SOX6: variants seen among roughly 807,000 people sequenced by gnomAD.
SOX6 encodes the protein transcription factor SOX-6.
A neutral mutation model predicts 97.8 loss-of-function variants in SOX6; 11 were observed. The observed-to-expected ratio is 0.11, with a 90% CI of 0.07 to 0.19. The LOEUF (loss-of-function observed/expected upper bound fraction) is 0.19. Ranked by LOEUF, SOX6 falls within the 10% of genes least tolerant of loss-of-function variation. The pLI is 1.00. For synonymous variants in SOX6, 360 were observed against 371.4 expected (o/e 0.97, Z 0.35); for missense variants, 810 against 1,039.5 (o/e 0.78, Z 3.04).
intron 12 of SOX6, among the ~76,000 whole-genome samples, chr11:16,031,040 C>A (rs1212636289): frequency 2.0e-5 from 3 of 152,096 alleles, no homozygotes; most frequent in African/African-American, 4.8e-5. Flanking sequence ...ATTGTAAAGT[C>A]TTTTCCCACA....
At chr11:16,340,523 A>G (rs538432782) in intron 2 of SOX6, among the ~76,000 whole-genome samples, 27 of 152,222 alleles carry the variant, frequency 1.8e-4, no homozygotes, top group African/African-American at 6.5e-4. Flanking sequence ...TTAATATATA[A>G]GCACATAAGT....
intron 12 of SOX6, among the ~76,000 whole-genome samples, chr11:16,044,683 A>C (rs1306839779): frequency 3.3e-5 from 5 of 152,184 alleles, no homozygotes; most frequent in Non-Finnish European, 5.9e-5. Flanking sequence ...AAAGCCTACA[A>C]GAATCACAAA....
intron 3 of SOX6, among the ~76,000 whole-genome samples, chr11:16,274,051 C>T (rs1854328799): frequency 6.6e-6 from 1 of 151,824 alleles, no homozygotes; most frequent in African/African-American, 2.4e-5. Context: ...TGTATAATGC[C>T]CTTATCTTTC....
chr11:16,341,242 A>C lies in SOX6; in HGVS notation c.7T>G (p.Ser3Ala), dbSNP rs1856623776. 1.2e-6 allele frequency: 2 copies of C among 1,613,064 alleles called. No homozygotes were observed. Among genetic ancestry groups the C allele is most frequent in the African/African-American group, 2.7e-5 (2 of 74,892 alleles). ...GCAAATGGAGAGGTGGCTTGCTTGG[A>C]AGACATTCTTCTGCAGAAAAAAAAC... is the stretch of plus-strand genomic sequence containing the variant. MS[S>A]KQATSPFACA... The change falls in exon 2 of 16, where the codon TCC (serine) becomes GCC (alanine). Residue 3 changes from serine to alanine, a missense_variant. This residue lies in a region of SOX6 where 100 missense variants were observed against 94.6 expected (regional missense o/e 1.06). Coordinates refer to ENST00000683767, the MANE Select transcript of SOX6 (RefSeq NM_001367873.1).
At chr11:16,461,288 T>C (rs552466329) in intron 1 of SOX6, among the ~76,000 whole-genome samples, 52 of 151,888 alleles carry the variant, frequency 3.4e-4, no homozygotes, top group African/African-American at 1.1e-3. Context: ...TTTGCAGTAG[T>C]CCTCACAAGT....
At chr11:16,222,518 G>T (rs1295752686) in intron 4 of SOX6, among the ~76,000 whole-genome samples, 1 of 152,134 alleles carries the variant, frequency 6.6e-6, no homozygotes, top group East Asian at 1.9e-4. Context: ...TTGGCCCTAC[G>T]TACAAGGTTT....
chr11:16,491,390 T>A (rs1244345630), intron 4 of SOX6, among the ~76,000 whole-genome samples: 1 of 152,176 alleles, frequency 6.6e-6, no homozygotes, highest in Non-Finnish European at 1.5e-5. Flanking sequence ...GCCCAGCAAG[T>A]GGACAGCTAC....
intron 6 of SOX6, among the ~76,000 whole-genome samples, chr11:16,158,309 G>A (rs1383890394): frequency 1.3e-5 from 2 of 151,782 alleles, no homozygotes; most frequent in African/African-American, 4.8e-5. Flanking sequence ...CATACTCCTT[G>A]GTGTATATAT....
intron 1 of SOX6, among the ~76,000 whole-genome samples, chr11:16,447,109 T>G (rs1246000985): frequency 6.6e-6 from 1 of 152,068 alleles, no homozygotes; most frequent in Non-Finnish European, 1.5e-5. Context: ...ATCAAGAAGT[T>G]TCAACTTTAT....
chr11:16,524,715 T>C (rs1484908485), intron 4 of SOX6, among the ~76,000 whole-genome samples: 3 of 152,156 alleles, frequency 2.0e-5, no homozygotes, highest in Admixed American at 6.6e-5. Flanking sequence ...GATGACATGA[T>C]TGTATATCTA....
At chr11:16,543,403 G>GT (rs941354225) in intron 4 of SOX6, among the ~76,000 whole-genome samples, 1 of 128,660 alleles carries the variant, frequency 7.8e-6, no homozygotes, top group African/African-American at 2.5e-5. Context: ...TTCTAAGCCA[G>GT]TAAAAAAAAA....
At chr11:16,127,251 T>G (rs1448716441) in intron 6 of SOX6, among the ~76,000 whole-genome samples, 1 of 152,098 alleles carries the variant, frequency 6.6e-6, no homozygotes, top group East Asian at 1.9e-4. Context: ...AGTCAAGTGA[T>G]CATGAATTAC....
chr11:16,532,067 A>G (rs1392127666), intron 4 of SOX6, among the ~76,000 whole-genome samples: 2 of 151,850 alleles, frequency 1.3e-5, no homozygotes, highest in Non-Finnish European at 3.0e-5. Context: ...AAGACTTCCT[A>G]TGCCATTTTC....
At chr11:16,315,380 C>T (rs1855729217) in intron 3 of SOX6, 1 of 151,858 alleles carries the variant, frequency 6.6e-6, no homozygotes, top group African/African-American at 2.4e-5. Flanking sequence ...AAATGCATTT[C>T]ACAGAAGAAG....
chr11:16,694,239 C>T (rs1173641894), intron 3 of SOX6, among the ~76,000 whole-genome samples: 1 of 152,126 alleles, frequency 6.6e-6, no homozygotes, highest in Non-Finnish European at 1.5e-5. Flanking sequence ...AAGTAAGGTA[C>T]TTCTGGAGCC....
intron 3 of SOX6, among the ~76,000 whole-genome samples, chr11:16,674,188 T>C (rs1309650180): frequency 2.2e-4 from 1 of 4,576 alleles, no homozygotes; most frequent in African/African-American, 1.1e-3. Context: ...AGACTCCATC[T>C]CAAAAAAAAA....
intron 3 of SOX6, among the ~76,000 whole-genome samples, chr11:16,637,984 A>G (rs1848817925): frequency 6.6e-6 from 1 of 150,744 alleles, no homozygotes; most frequent in Non-Finnish European, 1.5e-5. Flanking sequence ...GCATATGTAT[A>G]CATGTGCCAT....
chr11:16,616,231 C>T (rs1031109282), intron 3 of SOX6, among the ~76,000 whole-genome samples: 38 of 152,050 alleles, frequency 2.5e-4, no homozygotes, highest in African/African-American at 8.2e-4. Context: ...CTTTCCAATA[C>T]CTAATAAAAG....
chr11:16,517,080 C>T (rs1860986597), intron 4 of SOX6, among the ~76,000 whole-genome samples: 1 of 150,094 alleles, frequency 6.7e-6, no homozygotes, highest in Non-Finnish European at 1.5e-5. Context: ...ACAAAAACCA[C>T]ATGATTATCT....
Sources: gnomAD v4.1 joint callset for allele counts (sites outside exome capture counted in the v4.1 genomes callset) on GRCh38, gnomAD v4.1.1 for gene constraint, gnomAD v4.1.1 regional missense constraint, MANE v1.5 for transcripts, NCBI Gene and HGNC (gene_info 2026-07-23, HGNC 2026-07-21) for gene names.